CDH18: variants seen among roughly 807,000 people sequenced by gnomAD.
CDH18 encodes the protein cadherin 18, also known as cadherin-18.
A neutral mutation model predicts 67.9 loss-of-function variants in CDH18; 31 were observed. That is an observed-to-expected ratio of 0.46 (90% CI 0.34 to 0.62). CDH18 has a LOEUF of 0.62. Ranked by LOEUF, CDH18 falls within the 20% of genes least tolerant of loss-of-function variation. The pLI is 0.01. For missense variants in CDH18, 890 were observed against 975.5 expected, an observed-to-expected ratio of 0.91 and a Z score of 1.17; for synonymous variants, 362 against 347.2, an observed-to-expected ratio of 1.04 and a Z score of -0.48.
intron 10 of CDH18, among the ~76,000 whole-genome samples, chr5:19,513,624 ACTT>A (rs1579927387): frequency 6.6e-6 from 1 of 152,066 alleles, no homozygotes; most frequent in South Asian, 2.1e-4. Flanking sequence ...TATTTTTCTA[ACTT>A]CTTAAGAATA....
rs868186797 is a variant in CDH18, at chr5:19,785,693, T to A, written c.229-38457A>T. On this transcript the variant is annotated intron_variant, in intron 3 of 12. Coordinates refer to ENST00000382275, the MANE Select transcript of CDH18 (RefSeq NM_004934.5). ...AAAAAAAAAAAAATATATATATATATATATATATATATATATATATATATA... is the reference window on the plus strand; with the variant it reads ...AAAAAAAAAAAAATATATATATATAAATATATATATATATATATATATATA... 6.4e-3 allele frequency among the ~76,000 whole-genome samples: 375 copies of A among 58,722 alleles called. 5 individuals are homozygous for A. Among genetic ancestry groups the A allele is most frequent in the Non-Finnish European group, 8.0e-3 (258 of 32,262 alleles). 38.5% of individuals were successfully genotyped at this position (58,722 alleles called of 152,430 possible).
chr5:20,242,911 G>C (rs909698365), intron 2 of CDH18, among the ~76,000 whole-genome samples: 13 of 151,760 alleles, frequency 8.6e-5, no homozygotes, highest in South Asian at 6.2e-4. Context: ...TTGAAATCAA[G>C]CAAGAAAACA....
chr5:20,478,261 C>T (rs1003549501), intron 1 of CDH18, among the ~76,000 whole-genome samples: 6 of 152,040 alleles, frequency 3.9e-5, no homozygotes, highest in African/African-American at 1.4e-4. Context: ...GCTGGGACAC[C>T]AGCTTGGCCA....
chr5:20,377,542 A>C (rs1445809944), intron 1 of CDH18, among the ~76,000 whole-genome samples: 1 of 152,184 alleles, frequency 6.6e-6, no homozygotes, highest in African/African-American at 2.4e-5. Flanking sequence ...AAATATTAAA[A>C]CGTTAAATAA....
At chr5:19,973,152 A>G (rs918778356) in intron 2 of CDH18, among the ~76,000 whole-genome samples, 2 of 152,162 alleles carry the variant, frequency 1.3e-5, no homozygotes, top group African/African-American at 4.8e-5. Context: ...AACAAAAGTA[A>G]TGTTAAAAAG....
intron 1 of CDH18, among the ~76,000 whole-genome samples, chr5:20,402,618 C>T (rs1745864940): frequency 6.6e-6 from 1 of 151,418 alleles, no homozygotes; most frequent in Admixed American, 6.6e-5. Context: ...ATAATATTGT[C>T]TAAAAACGTG....
At chr5:19,954,299 GTTTTTC>G (rs950077769) in intron 2 of CDH18, among the ~76,000 whole-genome samples, 2 of 151,952 alleles carry the variant, frequency 1.3e-5, no homozygotes, top group Non-Finnish European at 2.9e-5. Context: ...GTATCAAACT[GTTTTTC>G]TTTGGTTTAA....
intron 1 of CDH18, among the ~76,000 whole-genome samples, chr5:20,363,232 C>T (rs1742230721): frequency 6.6e-6 from 1 of 151,098 alleles, no homozygotes; most frequent in Non-Finnish European, 1.5e-5. Flanking sequence ...CGCCTGTAAT[C>T]CCAGCACTTT....
intron 1 of CDH18, among the ~76,000 whole-genome samples, chr5:20,431,285 G>A (rs1748715235): frequency 6.6e-6 from 1 of 151,964 alleles, no homozygotes; most frequent in Non-Finnish European, 1.5e-5. Flanking sequence ...GAGGTCAGGA[G>A]TTTGAGACCA....
chr5:20,031,903 A>T (rs1046937500), intron 2 of CDH18, among the ~76,000 whole-genome samples: 4 of 152,004 alleles, frequency 2.6e-5, no homozygotes, highest in Non-Finnish European at 5.9e-5. Flanking sequence ...ATCAAGGCTC[A>T]TCCAGTGCAA....
At chr5:20,246,708 A>C (rs996986064) in intron 2 of CDH18, among the ~76,000 whole-genome samples, 1 of 152,218 alleles carries the variant, frequency 6.6e-6, no homozygotes, top group African/African-American at 2.4e-5. Flanking sequence ...GATGGTTAAG[A>C]GCAAGGAATC....
At chr5:19,606,950 A>G (rs1191046596) in intron 6 of CDH18, among the ~76,000 whole-genome samples, 1 of 151,758 alleles carries the variant, frequency 6.6e-6, no homozygotes, top group East Asian at 1.9e-4. Flanking sequence ...ACTACAGTAA[A>G]CTATTGTACA....
intron 2 of CDH18, among the ~76,000 whole-genome samples, chr5:20,242,390 G>C (rs1362258076): frequency 6.6e-6 from 1 of 151,018 alleles, no homozygotes; most frequent in African/African-American, 2.4e-5. Context: ...TCAGCCCGCA[G>C]CCTCTGGTAA....
chr5:20,292,944 T>C (rs1157915015), intron 1 of CDH18, among the ~76,000 whole-genome samples: 1 of 152,116 alleles, frequency 6.6e-6, no homozygotes, highest in Non-Finnish European at 1.5e-5. Flanking sequence ...CATTCACAGG[T>C]ACTAGGGGTT....
intron 3 of CDH18, among the ~76,000 whole-genome samples, chr5:19,755,429 A>G (rs1488395113): frequency 3.4e-4 from 7 of 20,326 alleles, no homozygotes; most frequent in African/African-American, 3.0e-4. Flanking sequence ...CTAACAGGGT[A>G]TGTATATATA....
chr5:20,488,673 T>TTTTATATATATATATATATATATA (rs1435006497), intron 1 of CDH18, among the ~76,000 whole-genome samples: 3 of 126,974 alleles, frequency 2.4e-5, no homozygotes, highest in Non-Finnish European at 5.1e-5. Flanking sequence ...GGGTAGTGTT[T>TTTTATATATATATATATATATATA]TATATATATA....
chr5:20,223,453 T>C (rs939145947), intron 2 of CDH18, among the ~76,000 whole-genome samples: 2 of 152,110 alleles, frequency 1.3e-5, no homozygotes, highest in African/African-American at 2.4e-5. Context: ...AGATGAGACT[T>C]TGGACTGTGG....
intron 1 of CDH18, among the ~76,000 whole-genome samples, chr5:20,295,564 T>C (rs1361996560): frequency 2.6e-5 from 4 of 151,844 alleles, no homozygotes; most frequent in South Asian, 2.1e-4. Context: ...CCGTCTCTAC[T>C]AAAAATACAA....
At chr5:20,465,701 T>C (rs1450655635) in intron 1 of CDH18, among the ~76,000 whole-genome samples, 2 of 152,048 alleles carry the variant, frequency 1.3e-5, no homozygotes, top group East Asian at 3.9e-4. Context: ...GTTGTGTTTA[T>C]GCAATCTGAG....
Sources: gnomAD v4.1 joint callset for allele counts (sites outside exome capture counted in the v4.1 genomes callset) on GRCh38, gnomAD v4.1.1 for gene constraint, MANE v1.5 for transcripts, NCBI Gene and HGNC (gene_info 2026-07-23, HGNC 2026-07-21) for gene names.